The following MTERF1 variants were observed in gnomAD, a reference collection of about 807,000 sequenced individuals.
MTERF1 encodes mitochondrial transcription termination factor 1.
Under a neutral mutation model 31.6 loss-of-function variants are expected in MTERF1, and 29 were observed. The ratio of observed to expected loss-of-function variants is 0.92; its 90% CI spans 0.68 to 1.25. The LOEUF (loss-of-function observed/expected upper bound fraction) is 1.25. Ranked by LOEUF, MTERF1 falls within the 50% of genes most tolerant of loss-of-function variation. MTERF1 has a pLI of 0.00. For synonymous variants in MTERF1, 152 were observed against 164.1 expected, an observed-to-expected ratio of 0.93 and a Z score of 0.57; for missense variants, 500 against 469.1, an observed-to-expected ratio of 1.07 and a Z score of -0.61.
intron 2 of MTERF1, among the ~76,000 whole-genome samples, chr7:91,879,699 T>G (rs534639881): frequency 6.6e-6 from 1 of 152,306 alleles, no homozygotes; most frequent in South Asian, 2.1e-4. Flanking sequence ...TCTAGTAGGG[T>G]AAATGAACAT....
rs563454279 is a variant in MTERF1 at position 91,873,825 on chromosome 7, CAAG to C, written c.966_968del (p.Phe322del). On this transcript the variant is annotated inframe_deletion, in exon 3 of 3. Coordinates refer to ENST00000351870, the MANE Select transcript of MTERF1 (RefSeq NM_006980.5). ...TTTTATCATTAAACTTTTTCTCTGC[CAAG>C]AAGATCACATCTGGATAGCTTAAGA... 9.3e-6 allele frequency: 15 copies of C among 1,614,074 alleles called. No individual in the cohort carries two copies. In the South Asian group the frequency reaches 9.9e-5, roughly 11 times the overall value.
rs1172717346 is a variant in MTERF1, at chr7:91,874,490, T to C, written c.304A>G (p.Thr102Ala). 21 of 1,614,024 alleles carry C rather than the reference T, an allele frequency of 1.3e-5. No homozygotes were observed. In the East Asian group the frequency reaches 3.8e-4, roughly 29 times the overall value. Residue 102 changes from threonine to alanine, a missense_variant, in exon 3 of 3, where the codon ACC (threonine) becomes GCC (alanine). Coordinates refer to ENST00000351870, the MANE Select transcript of MTERF1 (RefSeq NM_006980.5). Reference sequence around the variant, plus strand: ...AACATCTTCAGGTCCTGCTCATTGGTAATCATCCTATGAAAAACTCCAGGC... The same window carrying C: ...AACATCTTCAGGTCCTGCTCATTGGCAATCATCCTATGAAAAACTCCAGGC... ...RQPGVFHRMI[T>A]NEQDLKMFLL...
chr7:91,880,085 C>G lies in MTERF1; in HGVS notation c.-2G>C. On this transcript the variant is annotated 5_prime_UTR_variant, in exon 2 of 3. Transcript: ENST00000351870. ...TTGTCCTAAGGAAAGGCTCTGCATCCCTCCAGAAAGGCTGGAGAACAGCTA... is the reference window on the plus strand; with the variant it reads ...TTGTCCTAAGGAAAGGCTCTGCATCGCTCCAGAAAGGCTGGAGAACAGCTA... 1 of 1,613,942 alleles carries G rather than the reference C, an allele frequency of 6.2e-7. No homozygotes were observed. Among genetic ancestry groups the G allele is most frequent in the African/African-American group, 1.3e-5 (1 of 74,982 alleles).
At chr7:91,874,978 CAT>C (rs371269165) in intron 2 of MTERF1, among the ~76,000 whole-genome samples, 2,861 of 152,268 alleles carry the variant, frequency 0.019, 102 homozygotes, top group African/African-American at 0.064. Context: ...AAAAATTCTA[CAT>C]GTTTTATAAT....
intron 2 of MTERF1, among the ~76,000 whole-genome samples, chr7:91,877,982 C>T (rs905758922): frequency 6.6e-6 from 1 of 152,192 alleles, no homozygotes; most frequent in African/African-American, 2.4e-5. Flanking sequence ...ATTCCTGTCT[C>T]CCTACCTTTG....
intron 1 of MTERF1, 94 bp from the exon 2 acceptor site, chr7:91,880,207 C>A: frequency 2.0e-6 from 2 of 1,018,200 alleles, no homozygotes; most frequent in Non-Finnish European, 2.9e-6. Context: ...GTTCTCGTTG[C>A]ATTATGTTCT....
rs1789241038 is a variant in MTERF1 at position 91,873,644 on chromosome 7, T to C, written c.1150A>G (p.Ser384Gly). 2.5e-6 allele frequency: 4 copies of C among 1,611,612 alleles called. No homozygotes were observed. Among genetic ancestry groups the C allele is most frequent in the Middle Eastern group, 3.3e-4 (2 of 6,040 alleles). Residue 384 changes from serine to glycine, a missense_variant, in exon 3 of 3, where the codon AGT (serine) becomes GGT (glycine). By Grantham distance (56) the Ser-to-Gly change is moderately conservative. Transcript: ENST00000351870. ...STLNITLLSW[S>G]KKRYEAKLKK... The stretch of plus-strand genomic sequence containing the variant: ...AATTTAGCTTCATATCTTTTTTTAC[T>C]CCAAGATAGAAGAGTGATGTTTAAA...
In MTERF1 at chr7:91,871,385, G is replaced by A. The variant is rs1246017211; in HGVS notation, c.*2209C>T. On this transcript the variant is annotated 3_prime_UTR_variant, in exon 3 of 3. Coordinates refer to ENST00000351870, the MANE Select transcript of MTERF1 (RefSeq NM_006980.5). ...TACCCACCTCCTTCAAGTCCCTTAT[G>A]AGCTTGTTAGATTCCAAAACAATAC... 1 of 152,146 alleles carries A rather than the reference G, an allele frequency of 6.6e-6. No individual in the cohort carries two copies. The highest frequency in any genetic ancestry group is 1.5e-5 in the Non-Finnish European group (1 of 68,032). 9.4% of individuals were successfully genotyped at this position (152,146 alleles called of 1,614,324 possible).
At position 91,873,795 on chromosome 7, in the gene MTERF1, G is replaced by A; in HGVS notation, c.999C>T (p.Asp333=). The change falls in exon 3 of 3, where the codon GAC becomes GAT. Residue 333 remains aspartate (D), a synonymous_variant. Coordinates refer to ENST00000351870, the MANE Select transcript of MTERF1 (RefSeq NM_006980.5). ...TGCTAATGTTTTCTTCCATGAGGCA[G>A]TCTATTTTATCATTAAACTTTTTCT... ...LAEKKFNDKI[D]CLMEENISIS... 1 of 1,614,126 alleles carries A rather than the reference G, an allele frequency of 6.2e-7. No homozygotes were observed. The highest frequency in any genetic ancestry group is 8.5e-7 in the Non-Finnish European group (1 of 1,180,012).
chr7:91,874,886 C>T, intron 2 of MTERF1, 122 bp from the exon 3 acceptor site: 1 of 638,006 alleles, frequency 1.6e-6, no homozygotes, highest in Admixed American at 3.2e-5. Flanking sequence ...CTCCAGCTCT[C>T]CAGAACTGTG....
At position 91,873,585 on chromosome 7, in the gene MTERF1, T is replaced by A. The variant is rs747275221; in HGVS notation, c.*9A>T. On this transcript the variant is annotated 3_prime_UTR_variant, in exon 3 of 3. Transcript: ENST00000351870. ...TCACAGTTCCTGAGAATTAAAAACA[T>A]TGGCATCCTTAGGCAAATCTGCTTA... is the stretch of plus-strand genomic sequence containing the variant. 3 of 1,583,782 alleles carry A rather than the reference T, an allele frequency of 1.9e-6. No individual in the cohort carries two copies. Among genetic ancestry groups the A allele is most frequent in the Non-Finnish European group, 1.7e-6 (2 of 1,166,934 alleles).
Position 91,873,518 on chromosome 7 carries a change from A to C in MTERF1, c.*76T>G. On this transcript the variant is annotated 3_prime_UTR_variant, in exon 3 of 3. Transcript: ENST00000351870. Reference sequence around the variant, plus strand: ...AAGGCCCTTAATAACATTTTAAATTAATCACTTCTGCAAAATTCTTTTGCA... The same window carrying C: ...AAGGCCCTTAATAACATTTTAAATTCATCACTTCTGCAAAATTCTTTTGCA... 8.0e-7 allele frequency: 1 copy of C among 1,256,058 alleles called. No individual in the cohort carries two copies. The highest frequency in any genetic ancestry group is 1.1e-6 in the Non-Finnish European group (1 of 920,196). 77.8% of individuals were successfully genotyped at this position (1,256,058 alleles called of 1,614,324 possible). A position where few individuals can be genotyped will look rare whatever the true frequency, so the allele number is the denominator to read the frequency against.
In MTERF1 at chr7:91,879,918, G is replaced by A. The variant is rs12672603; in HGVS notation, c.29+137C>T. The A allele has an allele frequency of 0.12, 111,862 of 913,102 alleles. 8,369 individuals carry two copies. Among genetic ancestry groups the A allele is most frequent in the East Asian group, 0.35 (14,091 of 40,172 alleles). 56.6% of individuals were successfully genotyped at this position (913,102 alleles called of 1,614,324 possible). On this transcript the variant is annotated intron_variant, in intron 2 of 2. Transcript: ENST00000351870. Reference sequence around the variant, plus strand: ...GGGGTCTAAAAAAAGATTTACGTTCGCCTCTGCCCCACAACTGGCCTGTTA... The same window carrying A: ...GGGGTCTAAAAAAAGATTTACGTTCACCTCTGCCCCACAACTGGCCTGTTA...
chr7:91,872,872 A>G lies in MTERF1; in HGVS notation c.*722T>C, dbSNP rs1789214808. 1 of 152,176 alleles carries G rather than the reference A, an allele frequency of 6.6e-6. No homozygotes were observed. The highest frequency in any genetic ancestry group is 1.5e-5 in the Non-Finnish European group (1 of 68,020). 9.4% of individuals were successfully genotyped at this position (152,176 alleles called of 1,614,324 possible). On this transcript the variant is annotated 3_prime_UTR_variant, in exon 3 of 3. Transcript: ENST00000351870. ...GCCAACAAAATGCACAGAAATGATT[A>G]TCATTTCCTTAAACTATATTAGGCA...
At chr7:91,875,122 A>C (rs1204415061) in intron 2 of MTERF1, among the ~76,000 whole-genome samples, 1 of 152,220 alleles carries the variant, frequency 6.6e-6, no homozygotes, top group African/African-American at 2.4e-5. Context: ...CCTAAAGAAA[A>C]GCAGGTGGGG....
At chr7:91,875,391 C>T (rs891019515) in intron 2 of MTERF1, among the ~76,000 whole-genome samples, 1 of 152,042 alleles carries the variant, frequency 6.6e-6, no homozygotes, top group African/African-American at 2.4e-5. Flanking sequence ...GTTGGGACCA[C>T]AGGAATGCCC....
At position 91,874,388 on chromosome 7, in the gene MTERF1, G is replaced by C. The variant is rs748153405; in HGVS notation, c.406C>G (p.Pro136Ala). 6.2e-7 allele frequency: 1 copy of C among 1,614,108 alleles called. No individual in the cohort carries two copies. The highest frequency in any genetic ancestry group is 2.2e-5 in the East Asian group (1 of 44,880). Residue 136 changes from proline to alanine, a missense_variant, in exon 3 of 3, where the codon CCC becomes GCC. Coordinates refer to ENST00000351870, the MANE Select transcript of MTERF1 (RefSeq NM_006980.5). The part of the protein sequence containing the change: ...SRYPRAITRT[P>A]ENLSKRWDLW... ...TCCCACCGTTTTGAAAGATTCTCGG[G>C]AGTACGTGTTATTGCTCGTGGATAT...
rs761977328 is a variant in MTERF1 at position 91,874,115 on chromosome 7, G to C, written c.679C>G (p.His227Asp). 3 of 1,614,126 alleles carry C rather than the reference G, an allele frequency of 1.9e-6. No homozygotes were observed. ...CTGACAAAATCTGCGGGATCATTGT[G>C]ACCCAATGACAAACCGGCTGCCTGC... ...FLQAAGLSLG[H>D]NDPADFVRKI... The change falls in exon 3 of 3, where the codon CAC becomes GAC. Residue 227 changes from histidine to aspartate, a missense_variant. Coordinates refer to ENST00000351870, the MANE Select transcript of MTERF1 (RefSeq NM_006980.5).
intron 2 of MTERF1, 149 bp from the exon 3 acceptor site, chr7:91,874,913 T>TG: frequency 3.6e-6 from 2 of 560,816 alleles, no homozygotes; most frequent in Non-Finnish European, 6.1e-6. Context: ...ATTCAGCCAC[T>TG]GCTGAATTAT....
Sources: allele counts gnomAD v4.1 joint callset (sites outside exome capture counted in the v4.1 genomes callset), GRCh38; gene constraint gnomAD v4.1.1; transcripts MANE v1.5; gene names NCBI Gene and HGNC (gene_info 2026-07-23, HGNC 2026-07-21).